Variants in RSRC1 observed in about 807,000 individuals in gnomAD.
The protein encoded by RSRC1 is serine/Arginine-related protein 53.
A neutral mutation model predicts 49.1 loss-of-function variants in RSRC1; 39 were observed. The observed-to-expected ratio is 0.79, with a 90% CI of 0.61 to 1.04. The LOEUF is 1.04. Ranked by LOEUF, RSRC1 falls within the 50% of genes least tolerant of loss-of-function variation. The probability of loss-of-function intolerance (pLI) is 0.00; values close to 1 mark genes in which losing one functional copy is unlikely to be tolerated. For synonymous variants in RSRC1, 143 were observed against 130.8 expected (o/e 1.09, Z -0.63); for missense variants, 388 against 402.4 (o/e 0.96, Z 0.31).
rs1239299715 is a variant in RSRC1, at chr3:158,545,464, A to G, written c.*1189A>G. 1 of 151,804 alleles carries G rather than the reference A, an allele frequency of 6.6e-6. No individual in the cohort carries two copies. The highest frequency in any genetic ancestry group is 1.5e-5 in the Non-Finnish European group (1 of 67,938). 9.4% of individuals were successfully genotyped at this position (151,804 alleles called of 1,614,324 possible). On this transcript the variant is annotated 3_prime_UTR_variant, in exon 10 of 10. Coordinates refer to ENST00000611884, the MANE Select transcript of RSRC1 (RefSeq NM_001271838.2). ...AGTCACTAATTTAGTCTCTGCGAAG[A>G]CTGTAGCTCAGAACAAAAGATAAGC... is the stretch of plus-strand genomic sequence containing the variant.
chr3:158,489,411 T>C (rs1442130384), intron 7 of RSRC1, among the ~76,000 whole-genome samples: 1 of 152,242 alleles, frequency 6.6e-6, no homozygotes, highest in Admixed American at 6.5e-5. Flanking sequence ...ATCTTCAGCC[T>C]CAAGAGACTA....
Position 158,181,101 on chromosome 3 carries a change from G to A in RSRC1, c.321-21971G>A, listed in dbSNP as rs144833615. Among the ~76,000 whole-genome samples the A allele has an allele frequency of 3.1e-3, 479 of 152,256 alleles. 2 individuals are homozygous for A. The highest frequency in any genetic ancestry group is 4.3e-3 in the Non-Finnish European group (291 of 68,024). ...TTACAGGCGTGAGCCACCGCCCCTG[G>A]CCCTATGTACGTTTTTAAAAGCTCC... On this transcript the variant is annotated intron_variant, in intron 3 of 9. Transcript: ENST00000611884.
At chr3:158,441,264 G>T (rs551108144) in intron 6 of RSRC1, among the ~76,000 whole-genome samples, 1 of 151,980 alleles carries the variant, frequency 6.6e-6, no homozygotes, top group Non-Finnish European at 1.5e-5. Flanking sequence ...AGCATCTGTT[G>T]TTTAGCAATA....
intron 7 of RSRC1, among the ~76,000 whole-genome samples, chr3:158,483,821 G>A (rs1432813411): frequency 6.6e-6 from 1 of 151,968 alleles, no homozygotes; most frequent in Non-Finnish European, 1.5e-5. Context: ...TTGGTATAAT[G>A]TTGATTTGAT....
intron 4 of RSRC1, among the ~76,000 whole-genome samples, chr3:158,246,636 A>G (rs764812598): frequency 2.0e-5 from 3 of 152,120 alleles, no homozygotes; most frequent in Non-Finnish European, 2.9e-5. Flanking sequence ...TTCCTCATTT[A>G]TGAAGTTTAG....
At chr3:158,353,597 T>C (rs928252921) in intron 5 of RSRC1, among the ~76,000 whole-genome samples, 1 of 152,206 alleles carries the variant, frequency 6.6e-6, no homozygotes, top group African/African-American at 2.4e-5. Flanking sequence ...CATCTACCAC[T>C]CTTCCATCTT....
chr3:158,508,749 T>C (rs140795363), intron 7 of RSRC1, among the ~76,000 whole-genome samples: 272 of 152,296 alleles, frequency 1.8e-3, no homozygotes, highest in African/African-American at 5.4e-3. Flanking sequence ...TTCGTTGCCA[T>C]CTCAATTATC....
chr3:158,464,947 AC>A (rs1424776178), intron 7 of RSRC1, among the ~76,000 whole-genome samples: 1 of 151,926 alleles, frequency 6.6e-6, no homozygotes, highest in Non-Finnish European at 1.5e-5. Flanking sequence ...ATAAATCACA[AC>A]CCTTAGAATC....
chr3:158,360,624 G>T (rs879854979), intron 6 of RSRC1, among the ~76,000 whole-genome samples: 1 of 152,228 alleles, frequency 6.6e-6, no homozygotes, highest in Non-Finnish European at 1.5e-5. Context: ...GGCAGCAAAG[G>T]GCTGGTGTGT....
chr3:158,435,519 A>G (rs1375599038), intron 6 of RSRC1, among the ~76,000 whole-genome samples: 1 of 151,662 alleles, frequency 6.6e-6, no homozygotes, highest in Non-Finnish European at 1.5e-5. Context: ...TTGATTTGAC[A>G]TATGATTACT....
intron 7 of RSRC1, among the ~76,000 whole-genome samples, chr3:158,517,046 T>C (rs962037666): frequency 2.0e-5 from 3 of 152,190 alleles, no homozygotes; most frequent in African/African-American, 7.2e-5. Flanking sequence ...AATGCAGAAA[T>C]CACCCGTCTT....
intron 5 of RSRC1, among the ~76,000 whole-genome samples, chr3:158,346,620 A>G (rs1307867311): frequency 6.6e-6 from 1 of 152,038 alleles, no homozygotes; most frequent in Non-Finnish European, 1.5e-5. Flanking sequence ...AAGAAGACTC[A>G]CTCTACCAAG....
At chr3:158,530,844 T>C (rs1237853887) in intron 7 of RSRC1, among the ~76,000 whole-genome samples, 3 of 144,474 alleles carry the variant, frequency 2.1e-5, no homozygotes, top group African/African-American at 7.7e-5. Context: ...TGTATACATA[T>C]GTAACTAACC....
intron 4 of RSRC1, among the ~76,000 whole-genome samples, chr3:158,281,475 G>T (rs1726165297): frequency 6.6e-6 from 1 of 152,112 alleles, no homozygotes; most frequent in African/African-American, 2.4e-5. Flanking sequence ...GGATTAAGAA[G>T]AAATTATAGC....
chr3:158,141,235 G>A (rs1716732603), intron 3 of RSRC1, among the ~76,000 whole-genome samples: 1 of 152,160 alleles, frequency 6.6e-6, no homozygotes, highest in African/African-American at 2.4e-5. Flanking sequence ...AAAGGATGGA[G>A]AAAATTCCAG....
At chr3:158,518,627 T>C (rs1740738254) in intron 7 of RSRC1, among the ~76,000 whole-genome samples, 2 of 152,114 alleles carry the variant, frequency 1.3e-5, no homozygotes, top group African/African-American at 4.8e-5. Context: ...CCACCATCCC[T>C]CTCCAATTTT....
intron 5 of RSRC1, among the ~76,000 whole-genome samples, chr3:158,351,969 T>G (rs981218218): frequency 6.7e-6 from 1 of 149,024 alleles, no homozygotes; most frequent in South Asian, 2.1e-4. Flanking sequence ...ATATTATAAT[T>G]AGCCATCAAG....
At chr3:158,500,461 G>A (rs761112963) in intron 7 of RSRC1, among the ~76,000 whole-genome samples, 5 of 151,856 alleles carry the variant, frequency 3.3e-5, no homozygotes, top group African/African-American at 9.7e-5. Context: ...TTTGAATATC[G>A]GTAGAATTCT....
intron 4 of RSRC1, among the ~76,000 whole-genome samples, chr3:158,256,583 A>G (rs896004025): frequency 6.6e-6 from 1 of 152,190 alleles, no homozygotes; most frequent in East Asian, 1.9e-4. Flanking sequence ...TGCTGGCCTC[A>G]TAAAATGAGT....
Sources: gnomAD v4.1 joint callset for allele counts (sites outside exome capture counted in the v4.1 genomes callset) on GRCh38, gnomAD v4.1.1 for gene constraint, MANE v1.5 for transcripts, NCBI Gene and HGNC (gene_info 2026-07-23, HGNC 2026-07-21) for gene names.